The following CLSTN3 variants were observed in gnomAD, a reference collection of about 807,000 sequenced individuals.
CLSTN3 encodes calsyntenin 3, also known as calsyntenin-3.
A neutral mutation model predicts 95.9 loss-of-function variants in CLSTN3; 36 were observed. The ratio of observed to expected loss-of-function variants is 0.38; its 90% confidence interval spans 0.29 to 0.50. The LOEUF (loss-of-function observed/expected upper bound fraction) is 0.50. CLSTN3 is among the 20% of genes least tolerant of loss of function. The probability of loss-of-function intolerance (pLI) is 0.95; values close to 1 mark genes in which losing one functional copy is unlikely to be tolerated. For missense variants in CLSTN3, 1,084 were observed against 1,268.8 expected (o/e 0.85, Z 2.21); for synonymous variants, 481 against 504.0 (o/e 0.95, Z 0.61).
Position 7,135,543 on chromosome 12 carries a change from C to A in CLSTN3, c.592+8C>A, listed in dbSNP as rs754688978. 1.2e-6 allele frequency: 2 copies of A among 1,613,290 alleles called. No homozygotes were observed. On this transcript the variant is annotated splice_region_variant and intron_variant, in intron 4 of 17. Transcript: ENST00000266546. ...TCCTCATTGACAATGACGGTGAGTC[C>A]ACCCCTGGCTTCCCTGGCCACCCAG...
In CLSTN3 at chr12:7,137,243, A is replaced by G; in HGVS notation, c.1210+133A>G. The G allele has an allele frequency of 1.2e-6, 1 of 822,730 alleles. No individual in the cohort carries two copies. The highest frequency in any genetic ancestry group is 1.9e-6 in the Non-Finnish European group (1 of 533,358). The allele number at this position is 822,730 out of a possible 1,614,324, so 51.0% of individuals were successfully genotyped here. Reference sequence around the variant, plus strand: ...TTGTGAGGTGCAAGTGCCAGGTGTGATATGCCTTGATTCTGTGCTTTATCC... The same window carrying G: ...TTGTGAGGTGCAAGTGCCAGGTGTGGTATGCCTTGATTCTGTGCTTTATCC... On this transcript the variant is annotated intron_variant, in intron 7 of 17. Transcript: ENST00000266546. This position sits in a 1 kb window ranked among gnomAD's most constrained non-coding sequence, Gnocchi z 4.4.
chr12:7,142,718 C>CTT (rs373132235), intron 10 of CLSTN3, 151 bp from the exon 11 acceptor site: 10,147 of 306,544 alleles, frequency 0.033, 320 homozygotes, highest in South Asian at 0.057. Flanking sequence ...CTCTTTTTTC[C>CTT]TTTTTTTTTT....
intron 8 of CLSTN3, among the ~76,000 whole-genome samples, chr12:7,140,617 T>C (rs548194898): frequency 9.9e-5 from 15 of 152,102 alleles, no homozygotes; most frequent in Non-Finnish European, 1.6e-4. Flanking sequence ...TTTATTTTAG[T>C]GCTTAATGTT....
At chr12:7,132,825 T>C in intron 1 of CLSTN3, 199 bp from the exon 2 acceptor site, 1 of 673,194 alleles carries the variant, frequency 1.5e-6, no homozygotes, top group Non-Finnish European at 2.6e-6. Context: ...AGGAGAAGGC[T>C]ATGACCTCCC....
In CLSTN3 at chr12:7,141,351, T is replaced by C; in HGVS notation, c.1433T>C (p.Leu478Pro). The C allele has an allele frequency of 6.2e-7, 1 of 1,614,174 alleles. No homozygotes were observed. Among genetic ancestry groups the C allele is most frequent in the South Asian group, 1.1e-5 (1 of 91,084 alleles). Residue 478 changes from leucine (L) to proline (P), a missense_variant, in exon 9 of 18, where the codon CTC becomes CCC. Physicochemically the swap from Leu to Pro is moderately conservative, Grantham distance 98. Transcript: ENST00000266546. The surrounding 1 kb of genome is among the most constrained non-coding windows in gnomAD (Gnocchi z 4.1). ...CCTGCCCTCATCCATGACAATGGCC[T>C]CATCCACCCACCCCGAAGGGAGCCT... ...FDPALIHDNGLIHPPRREPAL... is the reference protein window; with the variant it reads ...FDPALIHDNGPIHPPRREPAL...
At chr12:7,152,556 A>G (rs1371429142) in intron 16 of CLSTN3, among the ~76,000 whole-genome samples, 6 of 152,216 alleles carry the variant, frequency 3.9e-5, no homozygotes, top group Non-Finnish European at 8.8e-5. Flanking sequence ...GCAATTCTCA[A>G]AGGAGTCCAC....
At chr12:7,155,218 C>T (rs935048879) in intron 16 of CLSTN3, among the ~76,000 whole-genome samples, 2 of 152,178 alleles carry the variant, frequency 1.3e-5, no homozygotes, top group African/African-American at 2.4e-5. Flanking sequence ...AAGCTGAACG[C>T]ACTTCTTAAA....
At chr12:7,152,995 A>T (rs1041734415) in intron 16 of CLSTN3, among the ~76,000 whole-genome samples, 1 of 152,210 alleles carries the variant, frequency 6.6e-6, no homozygotes. Context: ...GGGGCTTCCC[A>T]GGGTTTTCTG....
rs12319751 is a variant in CLSTN3, at chr12:7,154,147, C to T, written c.2527+3084C>T. Among the ~76,000 whole-genome samples the T allele has an allele frequency of 8.1e-3, 1,232 of 152,364 alleles. 17 individuals are homozygous for T. The highest frequency in any genetic ancestry group is 0.028 in the African/African-American group (1,184 of 41,580). On this transcript the variant is annotated intron_variant, in intron 16 of 17. Transcript: ENST00000266546. ...CATGCCTGAGCTGACAGGCCATTCA[C>T]GGCATAAAACCCTTTCCATATGCCT...
rs760064608 is a variant in CLSTN3 at position 7,157,052 on chromosome 12, G to A, written c.2528-437G>A. 42 of 356,278 alleles carry A rather than the reference G, an allele frequency of 1.2e-4. No individual in the cohort carries two copies. Among genetic ancestry groups the A allele is most frequent in the African/African-American group, 7.7e-4 (36 of 47,030 alleles). 22.1% of individuals were successfully genotyped at this position (356,278 alleles called of 1,614,324 possible). A position where few individuals can be genotyped will look rare whatever the true frequency, so the allele number is the denominator to read the frequency against. On this transcript the variant is annotated intron_variant, in intron 16 of 17. Transcript: ENST00000266546. The surrounding 1 kb of genome is among the most constrained non-coding windows in gnomAD (Gnocchi z 5.9). ...CATCTCCTCCTGCTCAGCCAAGCCC[G>A]TGTGGGGGCCCCTCCTCTCCCTCAC...
chr12:7,145,439 A>G (rs776693076), intron 12 of CLSTN3, among the ~76,000 whole-genome samples: 1 of 151,758 alleles, frequency 6.6e-6, no homozygotes, highest in South Asian at 2.1e-4. Context: ...TCCCTGATGC[A>G]TTTCCTTGCC....
At chr12:7,136,520 G>A in intron 6 of CLSTN3, 129 bp downstream of exon 6, 1 of 994,460 alleles carries the variant, frequency 1.0e-6, no homozygotes, top group South Asian at 1.7e-5. Context: ...GTTGTGACAC[G>A]ATTAGCATTT....
rs936867258 is a variant in CLSTN3, at chr12:7,133,845, G to T, written c.383+77G>T. On this transcript the variant is annotated intron_variant, in intron 3 of 17. Coordinates refer to ENST00000266546, the MANE Select transcript of CLSTN3 (RefSeq NM_014718.4). The surrounding 1 kb of genome is among the most constrained non-coding windows in gnomAD (Gnocchi z 4.7). ...CTCCCAAGCCCACCATCCTCTGTCC[G>T]TGCGGTCATCGAATATCCACCCCCA... 4.8e-6 allele frequency: 6 copies of T among 1,252,964 alleles called. No homozygotes were observed. The highest frequency in any genetic ancestry group is 6.6e-6 in the Non-Finnish European group (6 of 903,868). 77.6% of individuals were successfully genotyped at this position (1,252,964 alleles called of 1,614,324 possible).
rs1939681305 is a variant in CLSTN3, at chr12:7,149,322, A to G, written c.2074+124A>G. 4 of 979,984 alleles carry G rather than the reference A, an allele frequency of 4.1e-6. No homozygotes were observed. The highest frequency in any genetic ancestry group is 1.6e-5 in the South Asian group (1 of 63,296). 60.7% of individuals were successfully genotyped at this position (979,984 alleles called of 1,614,324 possible). ...CCATCCTGTGTTTGTTTGACTGAACAACTTACCTTTAAGAAGGAGAGCAAG... is the reference window on the plus strand; with the variant it reads ...CCATCCTGTGTTTGTTTGACTGAACGACTTACCTTTAAGAAGGAGAGCAAG... On this transcript the variant is annotated intron_variant, in intron 13 of 17. Coordinates refer to ENST00000266546, the MANE Select transcript of CLSTN3 (RefSeq NM_014718.4). This position sits in a 1 kb window ranked among gnomAD's most constrained non-coding sequence, Gnocchi z 4.5.
intron 12 of CLSTN3, among the ~76,000 whole-genome samples, chr12:7,147,914 G>C (rs1418980849): frequency 6.6e-6 from 1 of 152,120 alleles, no homozygotes; most frequent in African/African-American, 2.4e-5. Context: ...CAGCACTTTG[G>C]GAGGCCGAGA....
intron 12 of CLSTN3, among the ~76,000 whole-genome samples, chr12:7,147,485 GTTTC>G (rs1939639847): frequency 7.0e-6 from 1 of 143,340 alleles, no homozygotes; most frequent in Admixed American, 7.1e-5. Context: ...AGCCTTGATT[GTTTC>G]TTTTTCTTTT....
rs1024840909 is a variant in CLSTN3 at position 7,149,803 on chromosome 12, G to A, written c.2245+110G>A. 9.6e-7 allele frequency: 1 copy of A among 1,044,756 alleles called. No homozygotes were observed. Among genetic ancestry groups the A allele is most frequent in the African/African-American group, 1.6e-5 (1 of 61,830 alleles). The allele number at this position is 1,044,756 out of a possible 1,614,324, so 64.7% of individuals were successfully genotyped here. A position where few individuals can be genotyped will look rare whatever the true frequency, so the allele number is the denominator to read the frequency against. On this transcript the variant is annotated intron_variant, in intron 14 of 17. Transcript: ENST00000266546. This position sits in a 1 kb window ranked among gnomAD's most constrained non-coding sequence, Gnocchi z 4.5. ...TCCAGGTCCAGGGATGTGGACAAGT[G>A]CCGTTTTGCATTTTCCTAGCCTGGA...
chr12:7,133,512 G>C lies in CLSTN3; in HGVS notation c.188-61G>C. 7.8e-6 allele frequency: 12 copies of C among 1,540,150 alleles called. No homozygotes were observed. Among genetic ancestry groups the C allele is most frequent in the Non-Finnish European group, 9.9e-6 (11 of 1,116,630 alleles). On this transcript the variant is annotated intron_variant, in intron 2 of 17. Transcript: ENST00000266546. This position sits in a 1 kb window ranked among gnomAD's most constrained non-coding sequence, Gnocchi z 4.7. Reference sequence around the variant, plus strand: ...GAGGTGGAGCTGGACCCCAGGTGGGGAGACTGAGGGTGGGGAAGGAGACAC... The same window carrying C: ...GAGGTGGAGCTGGACCCCAGGTGGGCAGACTGAGGGTGGGGAAGGAGACAC...
At chr12:7,147,518 C>T (rs1188093409) in intron 12 of CLSTN3, among the ~76,000 whole-genome samples, 1 of 141,994 alleles carries the variant, frequency 7.0e-6, no homozygotes. Flanking sequence ...TTCTTTTCTT[C>T]TTTTTTTTTT....
Sources: allele counts gnomAD v4.1 joint callset (sites outside exome capture counted in the v4.1 genomes callset), GRCh38; gene constraint gnomAD v4.1.1; non-coding constraint Gnocchi (gnomAD v3.1); transcripts MANE v1.5; gene names NCBI Gene and HGNC (gene_info 2026-07-23, HGNC 2026-07-21).